DLGAP1: variants seen among roughly 807,000 people sequenced by gnomAD.
DLGAP1 encodes DLG associated protein 1.
In DLGAP1, 11 loss-of-function variants were observed where a neutral mutation model predicts 90.8. That is an observed-to-expected ratio of 0.12 (90% CI 0.08 to 0.20). The LOEUF (loss-of-function observed/expected upper bound fraction) is 0.20, where lower values mean the gene tolerates loss of function less well. DLGAP1 is among the 10% of genes least tolerant of loss of function. The probability of loss-of-function intolerance (pLI) is 1.00; values close to 1 mark genes in which losing one functional copy is unlikely to be tolerated. For missense variants in DLGAP1, 1,050 were observed against 1,333.8 expected, an observed-to-expected ratio of 0.79 and a Z score of 3.31; for synonymous variants, 558 against 540.7, an observed-to-expected ratio of 1.03 and a Z score of -0.44.
At chr18:4,023,986 C>G (rs950996470) in intron 2 of DLGAP1, among the ~76,000 whole-genome samples, 1 of 152,016 alleles carries the variant, frequency 6.6e-6, no homozygotes, top group African/African-American at 2.4e-5. Flanking sequence ...TATTTTTCTT[C>G]CCCTCTCTCA....
At chr18:4,069,662 T>C (rs1456776900) in intron 2 of DLGAP1, among the ~76,000 whole-genome samples, 1 of 152,180 alleles carries the variant, frequency 6.6e-6, no homozygotes, top group African/African-American at 2.4e-5. Context: ...ATTGTAAGTT[T>C]CCTGAGGCTT....
intron 1 of DLGAP1, among the ~76,000 whole-genome samples, chr18:4,275,599 GTT>G (rs3041148): frequency 3.3e-5 from 5 of 149,560 alleles, no homozygotes; most frequent in South Asian, 2.1e-4. Context: ...GATTTTAGCT[GTT>G]TTTTTTTTTC....
intron 9 of DLGAP1, among the ~76,000 whole-genome samples, chr18:3,540,779 A>C (rs569905103): frequency 6.6e-6 from 1 of 152,334 alleles, no homozygotes; most frequent in African/African-American, 2.4e-5. Flanking sequence ...GTAAAGGAAA[A>C]TAGGATAGGC....
intron 3 of DLGAP1, among the ~76,000 whole-genome samples, chr18:3,971,360 C>T (rs779306693): frequency 3.9e-5 from 6 of 151,948 alleles, no homozygotes; most frequent in African/African-American, 9.7e-5. Flanking sequence ...TGACTGCTAC[C>T]GATGGTAACA....
At chr18:4,004,227 C>G (rs943225899) in intron 3 of DLGAP1, among the ~76,000 whole-genome samples, 2 of 152,122 alleles carry the variant, frequency 1.3e-5, no homozygotes, top group African/African-American at 4.8e-5. Context: ...AATGAAGGAT[C>G]ATAGGAATTG....
intron 1 of DLGAP1, chr18:4,280,699 A>C (rs2079528595): frequency 6.6e-6 from 1 of 152,192 alleles, no homozygotes; most frequent in African/African-American, 2.4e-5. Context: ...TACCATTTGC[A>C]GTGATGATTT....
chr18:4,250,002 C>T (rs56806038), intron 1 of DLGAP1, among the ~76,000 whole-genome samples: 4 of 152,178 alleles, frequency 2.6e-5, no homozygotes, highest in Non-Finnish European at 5.9e-5. Context: ...TTCAGCCATG[C>T]ATCTTTGGGT....
intron 1 of DLGAP1, among the ~76,000 whole-genome samples, chr18:4,412,977 C>T (rs1261022539): frequency 1.3e-5 from 2 of 152,146 alleles, no homozygotes; most frequent in Non-Finnish European, 2.9e-5. Flanking sequence ...TACAGAGCGC[C>T]AAGCCCATGA....
intron 1 of DLGAP1, among the ~76,000 whole-genome samples, chr18:4,316,459 C>G (rs1277495891): frequency 2.0e-5 from 3 of 152,154 alleles, no homozygotes; most frequent in East Asian, 1.9e-4. Flanking sequence ...AGTTAGCAAG[C>G]CTGCTTCAAT....
intron 7 of DLGAP1, among the ~76,000 whole-genome samples, chr18:3,629,351 A>G (rs1385792400): frequency 6.6e-6 from 1 of 152,134 alleles, no homozygotes; most frequent in Non-Finnish European, 1.5e-5. Flanking sequence ...TGACAAAGTG[A>G]GGCTCTGTCT....
At chr18:3,860,113 T>TAAATAAATAAATAAATAAATAATAA (rs776606565) in intron 4 of DLGAP1, among the ~76,000 whole-genome samples, 5 of 142,216 alleles carry the variant, frequency 3.5e-5, no homozygotes, top group African/African-American at 1.3e-4. Context: ...AATAAATAAA[T>TAAATAAATAAATAAATAAATAATAA]AAATAAATTT....
intron 9 of DLGAP1, among the ~76,000 whole-genome samples, chr18:3,551,502 C>T (rs979523520): frequency 6.6e-6 from 1 of 152,100 alleles, no homozygotes; most frequent in Non-Finnish European, 1.5e-5. Flanking sequence ...GCCCTCCTGG[C>T]TTCCCAAAGT....
chr18:4,209,858 A>G (rs2077805509), intron 1 of DLGAP1, among the ~76,000 whole-genome samples: 1 of 152,158 alleles, frequency 6.6e-6, no homozygotes, highest in African/African-American at 2.4e-5. Flanking sequence ...ATAATAGAAA[A>G]GCCAAAGCAA....
At chr18:4,432,733 C>A (rs2083316620) in intron 1 of DLGAP1, among the ~76,000 whole-genome samples, 1 of 151,980 alleles carries the variant, frequency 6.6e-6, no homozygotes, top group Non-Finnish European at 1.5e-5. Flanking sequence ...CTAACTGAAT[C>A]TTTGCACTCT....
chr18:3,815,411 C>A (rs1306825357), intron 4 of DLGAP1, among the ~76,000 whole-genome samples: 1 of 151,852 alleles, frequency 6.6e-6, no homozygotes, highest in Admixed American at 6.6e-5. Context: ...CTCTGCACAC[C>A]CGTGCACACA....
chr18:4,440,568 G>A (rs565835414), intron 1 of DLGAP1, among the ~76,000 whole-genome samples: 2 of 151,994 alleles, frequency 1.3e-5, no homozygotes, highest in African/African-American at 4.8e-5. Flanking sequence ...TCAAATTTGG[G>A]GGGAGGTCAA....
intron 7 of DLGAP1, among the ~76,000 whole-genome samples, chr18:3,686,714 A>G (rs2060716379): frequency 6.6e-6 from 1 of 152,200 alleles, no homozygotes; most frequent in African/African-American, 2.4e-5. Flanking sequence ...TGCATACCAC[A>G]TGCCCTCCAA....
intron 2 of DLGAP1, among the ~76,000 whole-genome samples, chr18:4,136,550 G>A (rs1116153): frequency 0.13 from 19,783 of 152,150 alleles, 1,604 homozygotes; most frequent in Middle Eastern, 0.21. Flanking sequence ...TTTAAGAAGT[G>A]TCTATTCAGA....
intron 2 of DLGAP1, among the ~76,000 whole-genome samples, chr18:4,123,023 T>C (rs2076177964): frequency 6.6e-6 from 1 of 152,180 alleles, no homozygotes; most frequent in Non-Finnish European, 1.5e-5. Flanking sequence ...TGGAAATTAT[T>C]GTATAAGTAG....
Sources: allele counts gnomAD v4.1 joint callset (sites outside exome capture counted in the v4.1 genomes callset), GRCh38; gene constraint gnomAD v4.1.1; transcripts MANE v1.5; gene names NCBI Gene and HGNC (gene_info 2026-07-23, HGNC 2026-07-21).